The following RANGAP1 variants were observed in gnomAD, a reference collection of about 807,000 sequenced individuals.
The protein encoded by RANGAP1 is Ran GTPase activating protein 1, also known as ran GTPase-activating protein 1.
In RANGAP1, 38 loss-of-function variants were observed where a neutral mutation model predicts 63.5. That is an observed-to-expected ratio of 0.60 (90% CI 0.46 to 0.78). The LOEUF (loss-of-function observed/expected upper bound fraction) is 0.78. RANGAP1 is among the 30% of genes least tolerant of loss of function. The pLI is 0.00. For synonymous variants in RANGAP1, 329 were observed against 310.5 expected (o/e 1.06, Z -0.63); for missense variants, 630 against 740.3 (o/e 0.85, Z 1.73).
At position 41,252,979 on chromosome 22, in the gene RANGAP1, C is replaced by T. The variant is rs753538826; in HGVS notation, c.1273G>A (p.Val425Met). Reference sequence around the variant, plus strand: ...TCTGCAGGAGGTGGGGAGGACAGCACGGGAGCTGGCTCCTGGGAAGTAGGG... The same window carrying T: ...TCTGCAGGAGGTGGGGAGGACAGCATGGGAGCTGGCTCCTGGGAAGTAGGG... ...LDPNTGEPAP[V>M]LSSPPPADVS... is the part of the protein sequence containing the mutation. The change falls in exon 12 of 16, where the codon GTG becomes ATG. Residue 425 changes from valine to methionine, a missense_variant. Val to Met is a conservative substitution (Grantham distance 21). Around this residue, in one of 3 missense-constraint regions of RANGAP1, gnomAD observed 428 missense variants for 465.5 expected, o/e 0.92. Coordinates refer to ENST00000356244, the MANE Select transcript of RANGAP1 (RefSeq NM_002883.4). 1.9e-5 allele frequency: 29 copies of T among 1,506,036 alleles called. No individual in the cohort carries two copies. Among genetic ancestry groups the T allele is most frequent in the Middle Eastern group, 1.9e-4 (1 of 5,294 alleles). The allele number at this position is 1,506,036 out of a possible 1,614,324, so 93.3% of individuals were successfully genotyped here. A position where few individuals can be genotyped will look rare whatever the true frequency, so the allele number is the denominator to read the frequency against.
At chr22:41,279,679 G>A (rs1432852585) in intron 2 of RANGAP1, among the ~76,000 whole-genome samples, 3 of 150,944 alleles carry the variant, frequency 2.0e-5, no homozygotes, top group African/African-American at 7.3e-5. Context: ...GTGTGAGCCT[G>A]CAGTCCCAGC....
chr22:41,291,610 A>AAAAAAT, the RANGAP1 span, among the ~76,000 whole-genome samples: 1 of 131,922 alleles, frequency 7.6e-6, no homozygotes, highest in Non-Finnish European at 1.6e-5. Flanking sequence ...AAAAAAAAAA[A>AAAAAAT]AAAATAGGCC....
At chr22:41,270,477 T>C (rs1208466289) in intron 3 of RANGAP1, among the ~76,000 whole-genome samples, 1 of 152,162 alleles carries the variant, frequency 6.6e-6, no homozygotes, top group African/African-American at 2.4e-5. Flanking sequence ...AGACAGGGTC[T>C]CACTCTGTCG....
chr22:41,296,621 T>TG, the RANGAP1 span, among the ~76,000 whole-genome samples: 2 of 146,636 alleles, frequency 1.4e-5, no homozygotes, highest in African/African-American at 5.1e-5. Flanking sequence ...CACTCTAGCC[T>TG]GGGTGACAGA....
At chr22:41,280,897 C>G in intron 2 of RANGAP1, 36 bp downstream of exon 2, 1 of 1,613,038 alleles carries the variant, frequency 6.2e-7, no homozygotes, top group Non-Finnish European at 8.5e-7. Context: ...CCTCTCCTCC[C>G]CTGGACACAC....
chr22:41,260,213 G>T (rs973823509), intron 6 of RANGAP1, among the ~76,000 whole-genome samples: 3 of 151,964 alleles, frequency 2.0e-5, no homozygotes, highest in African/African-American at 7.3e-5. Context: ...TCCACATACT[G>T]GGGGGGATTA....
At chr22:41,273,900 C>T (rs1271602669) in intron 3 of RANGAP1, among the ~76,000 whole-genome samples, 3 of 151,662 alleles carry the variant, frequency 2.0e-5, no homozygotes, top group Admixed American at 6.6e-5. Flanking sequence ...ACAGTGAAAC[C>T]CCATCTCTAC....
At chr22:41,289,297 G>A (rs1397317189), upstream of RANGAP1, among the ~76,000 whole-genome samples, 1 of 151,974 alleles carries the variant, frequency 6.6e-6, no homozygotes, top group African/African-American at 2.4e-5. Flanking sequence ...TTTGCCCAAG[G>A]GTGCCCAGTG....
At chr22:41,268,374 GC>G (rs2034605277) in intron 3 of RANGAP1, among the ~76,000 whole-genome samples, 2 of 152,102 alleles carry the variant, frequency 1.3e-5, no homozygotes. Flanking sequence ...TCCTGCCTAA[GC>G]CTCCGGAGTA....
Position 41,272,812 on chromosome 22 carries a change from C to CT in RANGAP1, c.240+1787dup, listed in dbSNP as rs951444521. ...TACAGGCGTGACCCACCAGGCCCGG[C>CT]TTTTTTTTTTCTTTTTTTGAGACAG... On this transcript the variant is annotated intron_variant, in intron 3 of 15. Transcript: ENST00000356244. Among the ~76,000 whole-genome samples the CT allele has an allele frequency of 2.6e-4, 38 of 148,224 alleles. No individual in the cohort carries two copies. The South Asian group carries it at 3.4e-3, about 13-fold the overall frequency.
At chr22:41,287,696 G>C (rs1372946592), upstream of RANGAP1, among the ~76,000 whole-genome samples, 1 of 151,674 alleles carries the variant, frequency 6.6e-6, no homozygotes. Context: ...AAGTTAAACA[G>C]ATCATGCAGG....
intron 15 of RANGAP1, among the ~76,000 whole-genome samples, 158 bp from the exon 16 acceptor site, chr22:41,246,830 T>G (rs1302707830): frequency 1.3e-5 from 2 of 152,188 alleles, no homozygotes; most frequent in African/African-American, 2.4e-5. Context: ...TGGGTGGGGA[T>G]GGGAGGTGCG....
intron 5 of RANGAP1, among the ~76,000 whole-genome samples, chr22:41,262,098 C>T (rs2034204691): frequency 1.3e-5 from 2 of 152,200 alleles, no homozygotes; most frequent in African/African-American, 4.8e-5. Flanking sequence ...GAGCCAGCTG[C>T]CAAGTCCACG....
intron 13 of RANGAP1, 117 bp downstream of exon 13, chr22:41,250,890 A>C: frequency 1.3e-6 from 1 of 795,152 alleles, no homozygotes; most frequent in Non-Finnish European, 2.1e-6. Context: ...CAGGTGGCCA[A>C]AGAGCAGTTC....
At chr22:41,288,360 C>G (rs1420626484), upstream of RANGAP1, among the ~76,000 whole-genome samples, 1 of 152,184 alleles carries the variant, frequency 6.6e-6, no homozygotes, top group Non-Finnish European at 1.5e-5. Flanking sequence ...CTGGGAGGGT[C>G]TCCAGAGCAG....
intron 6 of RANGAP1, among the ~76,000 whole-genome samples, chr22:41,258,732 G>A (rs780620796): frequency 2.6e-5 from 4 of 151,798 alleles, no homozygotes; most frequent in Admixed American, 6.6e-5. Flanking sequence ...TTGGCTCATC[G>A]CAACCTCTGC....
intron 2 of RANGAP1, among the ~76,000 whole-genome samples, chr22:41,279,954 C>T (rs557873248): frequency 5.3e-4 from 80 of 151,472 alleles, no homozygotes; most frequent in African/African-American, 1.9e-3. Flanking sequence ...AAAAATTAGC[C>T]GGGTGTGGTG....
In RANGAP1 at chr22:41,264,706, T is replaced by C. The variant is rs1197406397; in HGVS notation, c.438A>G (p.Glu146=). The part of the protein sequence containing the change: ...LKSSACFTLQ[E]LKLNNCGMGI... ...CCATGCCACAGTTGTTGAGCTTGAG[T>C]TCCTGCAGGGTGAAGCAGGCTGAGC... is the stretch of plus-strand genomic sequence containing the variant. Residue 146 remains glutamate (E), a synonymous_variant, in exon 5 of 16, where the codon GAA becomes GAG. Coordinates refer to ENST00000356244, the MANE Select transcript of RANGAP1 (RefSeq NM_002883.4). 8 of 1,613,658 alleles carry C rather than the reference T, an allele frequency of 5.0e-6. No individual in the cohort carries two copies. The highest frequency in any genetic ancestry group is 5.9e-6 in the Non-Finnish European group (7 of 1,179,680).
chr22:41,270,863 G>A (rs904225973), intron 3 of RANGAP1, among the ~76,000 whole-genome samples: 9 of 152,302 alleles, frequency 5.9e-5, no homozygotes, highest in South Asian at 4.1e-4. Flanking sequence ...AGCCGGAGCC[G>A]GAGCGCCACA....
Sources: allele counts gnomAD v4.1 joint callset (sites outside exome capture counted in the v4.1 genomes callset), GRCh38; gene constraint gnomAD v4.1.1; regional missense constraint gnomAD v4.1.1; transcripts MANE v1.5; gene names NCBI Gene and HGNC (gene_info 2026-07-23, HGNC 2026-07-21).